SSX4: variants seen among roughly 807,000 people sequenced by gnomAD.
SSX4 encodes SSX family member 4.
For synonymous variants in SSX4, 1 was observed against 11.0 expected, an observed-to-expected ratio of 0.09 and a Z score of 1.80; for missense variants, 7 against 29.1, an observed-to-expected ratio of 0.24 and a Z score of 1.75.
chrX:48,384,302 C>G (rs1485802031), intron 2 of SSX4, among the ~76,000 whole-genome samples, 180 bp downstream of exon 2: 1 of 65,143 alleles, frequency 1.5e-5, no homozygotes, highest in Non-Finnish European at 2.7e-5. Flanking sequence ...AGACAAGTCT[C>G]TGACCTTGCA....
At chrX:48,384,532 G>A (rs2061333610) in intron 2 of SSX4, 29 bp from the exon 3 acceptor site, 1 of 1,202,864 alleles carries the variant, frequency 8.3e-7, no homozygotes, top group Non-Finnish European at 1.1e-6. Context: ...CTGAGTCCCT[G>A]CCATAATTCC....
chrX:48,384,438 G>A (rs1164533192), intron 2 of SSX4, 123 bp from the exon 3 acceptor site: 1 of 362,893 alleles, frequency 2.8e-6, no homozygotes, highest in Non-Finnish European at 4.9e-6. Context: ...GTTAGCCATG[G>A]CATCAACCAG....
chrX:48,384,396 C>T (rs1295215856), intron 2 of SSX4, among the ~76,000 whole-genome samples, 165 bp from the exon 3 acceptor site: 5 of 67,426 alleles, frequency 7.4e-5, no homozygotes, highest in East Asian at 1.1e-3. Flanking sequence ...GTGGCAGGGG[C>T]GAAGCTAGGG....
chrX:48,384,230 G>C (rs1452929095), intron 2 of SSX4, 108 bp downstream of exon 2: 21 of 121,200 alleles, frequency 1.7e-4, no homozygotes, highest in Non-Finnish European at 2.1e-4. Context: ...GCAGGGTCTC[G>C]GGGGAGATTT....
chrX:48,384,491 G>A (rs2061333465), intron 2 of SSX4, 70 bp from the exon 3 acceptor site: 4 of 911,747 alleles, frequency 4.4e-6, no homozygotes, highest in Non-Finnish European at 5.9e-6. Context: ...CACACAGGAA[G>A]CGGCTCCAGC....
chrX:48,383,898 C>CAAAAA, intron 1 of SSX4, 136 bp from the exon 2 acceptor site: 1 of 227 alleles, frequency 4.4e-3, no homozygotes, highest in Non-Finnish European at 7.1e-3. Flanking sequence ...GACCCTGTCT[C>CAAAAA]AAAAAAAAAA....
intron 2 of SSX4, among the ~76,000 whole-genome samples, chrX:48,384,329 C>T (rs781924250): frequency 1.4e-5 from 1 of 69,405 alleles, no homozygotes; most frequent in Non-Finnish European, 2.5e-5. Context: ...TTGGTGACTC[C>T]CACTCCATTC....
At chrX:48,383,898 CAA>C (rs782375203) in intron 1 of SSX4, 134 bp from the exon 2 acceptor site, 9 of 215 alleles carry the variant, frequency 0.042, no homozygotes, top group Admixed American at 0.052. Flanking sequence ...GACCCTGTCT[CAA>C]AAAAAAAAAA....
Position 48,384,091 on chromosome X carries a change from A to T in SSX4, c.38A>T (p.Asp13Val), listed in dbSNP as rs782017840. 4.5e-4 allele frequency: 20 copies of T among 44,780 alleles called. No homozygotes were observed. Among genetic ancestry groups the T allele is most frequent in the Non-Finnish European group, 4.2e-4 (12 of 28,328 alleles). 3.7% of individuals were successfully genotyped at this position (44,780 alleles called of 1,213,427 possible). A position where few individuals can be genotyped will look rare whatever the true frequency, so the allele number is the denominator to read the frequency against. The change falls in exon 2 of 8, where the codon GAT (aspartate) becomes GTT (valine). Residue 13 changes from aspartate (D) to valine (V), a missense_variant. Coordinates refer to ENST00000595689, the MANE Select transcript of SSX4 (RefSeq NM_005636.4). ...GDDAFARRPR[D>V]DAQISEKLRK... ...GACGCCTTTGCAAGGAGACCCAGGG[A>T]TGATGCTCAAATATCAGAGAAGTTA...
chrX:48,384,452 A>G (rs1191047817), intron 2 of SSX4, 109 bp from the exon 3 acceptor site: 3 of 419,399 alleles, frequency 7.2e-6, no homozygotes, highest in Admixed American at 8.9e-5. Context: ...CAACCAGGAC[A>G]GACTATCATC....
chrX:48,384,549 T>G lies in SSX4; in HGVS notation c.70-12T>G. On this transcript the variant is annotated splice_polypyrimidine_tract_variant and intron_variant, in intron 2 of 7. Transcript: ENST00000595689. ...GAGTCCCTGCCATAATTCCTTTTTT[T>G]TTTTTTTCCAGGCCTTCGATGATAT... is the stretch of plus-strand genomic sequence containing the variant. 8.3e-7 allele frequency: 1 copy of G among 1,207,210 alleles called. No homozygotes were observed. Among genetic ancestry groups the G allele is most frequent in the Non-Finnish European group, 1.1e-6 (1 of 895,005 alleles).
rs1208021607 is a variant in SSX4 at position 48,384,789 on chromosome X, A to G, written c.184+114A>G. ...CCCCACATTTTCCTTTTGTGCAGGG[A>G]AAAATCACAAGGCAGCTTCTGGGTG... On this transcript the variant is annotated intron_variant, in intron 3 of 7. Transcript: ENST00000595689. 3 of 383,921 alleles carry G rather than the reference A, an allele frequency of 7.8e-6. No homozygotes were observed. The African/African-American group carries it at 1.8e-4, about 23-fold the overall frequency. 31.6% of individuals were successfully genotyped at this position (383,921 alleles called of 1,213,427 possible).
At chrX:48,384,699 A>G in intron 3 of SSX4, 24 bp downstream of exon 3, 1 of 971,460 alleles carries the variant, frequency 1.0e-6, no homozygotes, top group Non-Finnish European at 1.3e-6. Context: ...CTAGAAGCAG[A>G]CAAGTCTGGG....
At position 48,384,562 on chromosome X, in the gene SSX4, C is replaced by T; in HGVS notation, c.71C>T (p.Ala24Val). Reference sequence around the variant, plus strand: ...AATTCCTTTTTTTTTTTTTTCCAGGCCTTCGATGATATTGCCAAATACTTC... The same window carrying T: ...AATTCCTTTTTTTTTTTTTTCCAGGTCTTCGATGATATTGCCAAATACTTC... ...DAQISEKLRK[A>V]FDDIAKYFSK... Residue 24 changes from alanine (A) to valine (V), a missense_variant and splice_region_variant, in exon 3 of 8, where the codon GCC becomes GTC. Ala to Val is a moderately conservative substitution (Grantham distance 64). Transcript: ENST00000595689. 1 of 1,204,331 alleles carries T rather than the reference C, an allele frequency of 8.3e-7. No individual in the cohort carries two copies. The highest frequency in any genetic ancestry group is 1.8e-5 in the South Asian group (1 of 55,851).
chrX:48,383,898 CAAA>C, intron 1 of SSX4, 133 bp from the exon 2 acceptor site: 5 of 220 alleles, frequency 0.023, no homozygotes, highest in Non-Finnish European at 0.03. Context: ...GACCCTGTCT[CAAA>C]AAAAAAAAAA....
chrX:48,384,288 C>T (rs2061333004), intron 2 of SSX4, among the ~76,000 whole-genome samples, 166 bp downstream of exon 2: 1 of 61,180 alleles, frequency 1.6e-5, no homozygotes, highest in African/African-American at 7.9e-5. Context: ...CCTAGCATCC[C>T]TGGAGACAAG....
chrX:48,384,179 G>A lies in SSX4; in HGVS notation c.69+57G>A, dbSNP rs2061332735. The A allele has an allele frequency of 8.9e-5, 7 of 78,595 alleles. No individual in the cohort carries two copies. In the South Asian group the frequency reaches 1.0e-3, roughly 12 times the overall value. 6.5% of individuals were successfully genotyped at this position (78,595 alleles called of 1,213,427 possible). A position where few individuals can be genotyped will look rare whatever the true frequency, so the allele number is the denominator to read the frequency against. On this transcript the variant is annotated intron_variant, in intron 2 of 7. Coordinates refer to ENST00000595689, the MANE Select transcript of SSX4 (RefSeq NM_005636.4). ...CCCAGGGGACAGTGTGGGGTGACCA[G>A]GTTTCTGAGGAGGGGAGGACAGAGG...
At chrX:48,384,910 T>G (rs781908133) in intron 3 of SSX4, among the ~76,000 whole-genome samples, 7 of 6,498 alleles carry the variant, frequency 1.1e-3, no homozygotes, top group Middle Eastern at 0.03. Flanking sequence ...ATAGGCGTCT[T>G]TTCTGATGAG....
rs1556955570 is a variant in SSX4 at position 48,384,060 on chromosome X, G to A, written c.7G>A (p.Gly3Arg). 2.9e-5 allele frequency: 1 copy of A among 34,349 alleles called. No homozygotes were observed. The highest frequency in any genetic ancestry group is 4.6e-5 in the Non-Finnish European group (1 of 21,913). The allele number at this position is 34,349 out of a possible 1,213,427, so 2.8% of individuals were successfully genotyped here. A position where few individuals can be genotyped will look rare whatever the true frequency, so the allele number is the denominator to read the frequency against. Residue 3 changes from glycine (G) to arginine (R), a missense_variant, in exon 2 of 8, where the codon GGA becomes AGA. Physicochemically the swap from Gly to Arg is moderately radical, Grantham distance 125. Transcript: ENST00000595689. MN[G>R]DDAFARRPRD... Reference sequence around the variant, plus strand: ...TGAGACTGCTCCCAGTGCCATGAACGGAGACGACGCCTTTGCAAGGAGACC... The same window carrying A: ...TGAGACTGCTCCCAGTGCCATGAACAGAGACGACGCCTTTGCAAGGAGACC...
Sources: allele counts gnomAD v4.1 joint callset (sites outside exome capture counted in the v4.1 genomes callset), GRCh38; gene constraint gnomAD v4.1.1; transcripts MANE v1.5; gene names NCBI Gene and HGNC (gene_info 2026-07-23, HGNC 2026-07-21).